USP9X: variants seen among roughly 807,000 people sequenced by gnomAD.
The protein encoded by USP9X is ubiquitin specific peptidase 9 X-linked.
In USP9X, 7 loss-of-function variants were observed where a neutral mutation model predicts 190.3. The observed-to-expected ratio is 0.04, with a 90% CI of 0.02 to 0.07. USP9X has a LOEUF of 0.07. USP9X is among the 10% of genes least tolerant of loss of function. The probability of loss-of-function intolerance (pLI) is 1.00; values close to 1 mark genes in which losing one functional copy is unlikely to be tolerated. For synonymous variants in USP9X, 645 were observed against 659.5 expected (o/e 0.98, Z 0.34); for missense variants, 1,010 against 1,916.9 (o/e 0.53, Z 8.83).
At chrX:41,175,384 G>C (rs1432840984) in intron 21 of USP9X, among the ~76,000 whole-genome samples, 2 of 110,409 alleles carry the variant, frequency 1.8e-5, no homozygotes, top group Non-Finnish European at 3.8e-5. Flanking sequence ...AGCCAGGTGT[G>C]GTGATGCGCA....
intron 1 of USP9X, among the ~76,000 whole-genome samples, chrX:41,093,679 A>G (rs780778505): frequency 8.9e-6 from 1 of 112,154 alleles, no homozygotes; most frequent in Non-Finnish European, 1.9e-5. Flanking sequence ...GACAGAGGGA[A>G]CTGGTTAGGG....
intron 25 of USP9X, among the ~76,000 whole-genome samples, chrX:41,188,632 A>G (rs549810325): frequency 8.1e-5 from 9 of 111,537 alleles, no homozygotes; most frequent in African/African-American, 2.9e-4. Flanking sequence ...ACATATTTAG[A>G]AGGAGAAATT....
intron 12 of USP9X, among the ~76,000 whole-genome samples, chrX:41,149,803 A>G (rs1248363456): frequency 9.1e-6 from 1 of 109,819 alleles, no homozygotes; most frequent in Non-Finnish European, 1.9e-5. Flanking sequence ...TCCCAGGTTC[A>G]AGCGATTCTC....
intron 38 of USP9X, among the ~76,000 whole-genome samples, chrX:41,222,482 T>C (rs2063272764): frequency 9.0e-6 from 1 of 111,565 alleles, no homozygotes; most frequent in Non-Finnish European, 1.9e-5. Flanking sequence ...TTCAAGAAGT[T>C]TGGCTGTAGA....
chrX:41,173,374 T>C (rs187523251), intron 21 of USP9X, among the ~76,000 whole-genome samples: 1 of 112,138 alleles, frequency 8.9e-6, no homozygotes, highest in Admixed American at 9.5e-5. Flanking sequence ...AGTAGGGCTT[T>C]TGGGGAAAAA....
chrX:41,185,569 T>A (rs1250929384), intron 23 of USP9X, among the ~76,000 whole-genome samples: 1 of 111,654 alleles, frequency 9.0e-6, no homozygotes, highest in Non-Finnish European at 1.9e-5. Flanking sequence ...CTTTCGACAC[T>A]TTGATGTGTG....
chrX:41,179,551 A>G (rs993915174), intron 21 of USP9X, among the ~76,000 whole-genome samples: 13 of 111,584 alleles, frequency 1.2e-4, no homozygotes, highest in African/African-American at 4.2e-4. Flanking sequence ...ATAGTTTGCT[A>G]TTGGCAAATG....
intron 35 of USP9X, 85 bp downstream of exon 35, chrX:41,216,737 T>A (rs2063215410): frequency 9.7e-7 from 1 of 1,028,989 alleles, no homozygotes; most frequent in Admixed American, 3.2e-5. Flanking sequence ...AAAATTAATG[T>A]TTTCACTTTA....
In USP9X at chrX:41,134,712, C is replaced by G. The variant is rs781111104; in HGVS notation, c.323-13C>G. On this transcript the variant is annotated splice_polypyrimidine_tract_variant and intron_variant, in intron 4 of 44. Coordinates refer to ENST00000378308, the MANE Select transcript of USP9X (RefSeq NM_001039591.3). ...ACATTTTGTTTGCATTAATTTTTCT[C>G]CCTTTTTCTTAGGCCTTGATGTTAA... 1.9e-5 allele frequency: 23 copies of G among 1,192,152 alleles called. No homozygotes were observed. Among genetic ancestry groups the G allele is most frequent in the Non-Finnish European group, 2.0e-5 (18 of 881,410 alleles).
At chrX:41,128,947 A>G (rs781534884) in intron 2 of USP9X, 53 bp from the exon 3 acceptor site, 3 of 1,154,488 alleles carry the variant, frequency 2.6e-6, no homozygotes, top group South Asian at 3.8e-5. Flanking sequence ...TTGGATTACT[A>G]TTTTACATAT....
intron 30 of USP9X, 93 bp downstream of exon 30, chrX:41,198,843 T>G (rs2063013513): frequency 1.2e-6 from 1 of 851,745 alleles, no homozygotes; most frequent in Non-Finnish European, 1.6e-6. Flanking sequence ...CCAACTTACG[T>G]ATTTCTTTCA....
intron 18 of USP9X, among the ~76,000 whole-genome samples, chrX:41,168,788 G>A (rs1406500423): frequency 2.7e-5 from 3 of 112,353 alleles, no homozygotes; most frequent in Non-Finnish European, 3.8e-5. Context: ...GAGCTACAGT[G>A]CCTGGCCTGT....
At chrX:41,196,479 C>T (rs2062985614) in intron 27 of USP9X, 113 bp from the exon 28 acceptor site, 2 of 1,065,292 alleles carry the variant, frequency 1.9e-6, no homozygotes, top group Admixed American at 2.7e-5. Context: ...AAATGAAGTA[C>T]TACTTTATTT....
chrX:41,092,249 T>C (rs1004917677), intron 1 of USP9X, among the ~76,000 whole-genome samples: 18 of 111,984 alleles, frequency 1.6e-4, no homozygotes, highest in African/African-American at 5.2e-4. Flanking sequence ...CTCCTGTTAG[T>C]ATCCTTGATG....
rs2062490077 is a variant in USP9X, at chrX:41,148,383, T to G, written c.1434T>G (p.Asn478Lys). The G allele has an allele frequency of 8.3e-7, 1 of 1,211,715 alleles. No individual in the cohort carries two copies. The highest frequency in any genetic ancestry group is 1.1e-6 in the Non-Finnish European group (1 of 895,519). Reference protein sequence around the residue: ...LFDCFKASWTNASKKQREKLL... With the variant: ...LFDCFKASWTKASKKQREKLL... ...TTTTTTTCTAGGCCAGTTGGACAAA[T>G]GCGAGTAAAAAGCAACGTGAAAAGC... The change falls in exon 12 of 45, where the codon AAT (asparagine) becomes AAG (lysine). Residue 478 changes from asparagine to lysine, a missense_variant. Transcript: ENST00000378308.
At chrX:41,192,462 A>G (rs1260488249) in intron 26 of USP9X, among the ~76,000 whole-genome samples, 5 of 111,853 alleles carry the variant, frequency 4.5e-5, no homozygotes, top group African/African-American at 1.6e-4. Flanking sequence ...CTGTTGTTTT[A>G]TTCCCTGCCT....
chrX:41,115,854 A>G (rs1402379853), intron 1 of USP9X, among the ~76,000 whole-genome samples: 1 of 111,943 alleles, frequency 8.9e-6, no homozygotes. Context: ...CGTGCTGTAT[A>G]AAAGGAGAGA....
At chrX:41,125,680 A>ACTCTCT (rs1270231301) in intron 2 of USP9X, among the ~76,000 whole-genome samples, 132 of 26,575 alleles carry the variant, frequency 5.0e-3, no homozygotes, top group Non-Finnish European at 6.9e-3. Context: ...ACACACACAC[A>ACTCTCT]CACACTCTCT....
chrX:41,175,365 T>G (rs970510805), intron 21 of USP9X, among the ~76,000 whole-genome samples: 2 of 109,330 alleles, frequency 1.8e-5, no homozygotes, highest in African/African-American at 6.7e-5. Context: ...ATTAAAAATT[T>G]CAAAAATTAG....
Sources: gnomAD v4.1 joint callset for allele counts (sites outside exome capture counted in the v4.1 genomes callset) on GRCh38, gnomAD v4.1.1 for gene constraint, MANE v1.5 for transcripts, NCBI Gene and HGNC (gene_info 2026-07-23, HGNC 2026-07-21) for gene names.